The following ARAP2 variants were observed in gnomAD, a reference collection of about 807,000 sequenced individuals.
ARAP2 encodes ArfGAP with RhoGAP domain, ankyrin repeat and PH domain 2, also known as arf-GAP with Rho-GAP domain, ANK repeat and PH domain-containing protein 2.
Under a neutral mutation model 194.5 loss-of-function variants are expected in ARAP2, and 148 were observed. The ratio of observed to expected loss-of-function variants is 0.76; its 90% CI spans 0.67 to 0.87. The LOEUF (loss-of-function observed/expected upper bound fraction) is 0.87. Ranked by LOEUF, ARAP2 falls within the 40% of genes least tolerant of loss-of-function variation. The pLI is 0.00. For missense variants in ARAP2, 2,128 were observed against 1,989.7 expected, an observed-to-expected ratio of 1.07 and a Z score of -1.32; for synonymous variants, 695 against 683.5, an observed-to-expected ratio of 1.02 and a Z score of -0.26.
At chr4:36,106,082 C>T (rs1178698991) in intron 27 of ARAP2, among the ~76,000 whole-genome samples, 3 of 151,960 alleles carry the variant, frequency 2.0e-5, no homozygotes, top group African/African-American at 7.2e-5. Flanking sequence ...AGCCCTGCCT[C>T]CCTACCCAAT....
At chr4:36,125,231 G>C (rs1056283759) in intron 21 of ARAP2, among the ~76,000 whole-genome samples, 1 of 151,874 alleles carries the variant, frequency 6.6e-6, no homozygotes, top group East Asian at 1.9e-4. Flanking sequence ...TAGAAGGTTA[G>C]GTGGGATTAT....
intron 5 of ARAP2, among the ~76,000 whole-genome samples, chr4:36,025,799 G>T (rs181108147): frequency 1.5e-3 from 230 of 152,094 alleles, no homozygotes; most frequent in Non-Finnish European, 2.4e-3. Flanking sequence ...ATCAAAAAAT[G>T]ATCATTATAT....
At chr4:36,130,891 G>C (rs548932195) in intron 20 of ARAP2, among the ~76,000 whole-genome samples, 1 of 151,782 alleles carries the variant, frequency 6.6e-6, no homozygotes, top group Non-Finnish European at 1.5e-5. Flanking sequence ...TCTAATAGCT[G>C]GCACTCAAGT....
At chr4:36,016,476 T>C (rs955408103) in intron 6 of ARAP2, among the ~76,000 whole-genome samples, 5 of 151,392 alleles carry the variant, frequency 3.3e-5, no homozygotes, top group African/African-American at 1.2e-4. Flanking sequence ...TCTGTTATAT[T>C]ATCCTTTATA....
At chr4:36,115,214 T>G (rs1721034582) in intron 25 of ARAP2, among the ~76,000 whole-genome samples, 2 of 152,010 alleles carry the variant, frequency 1.3e-5, no homozygotes, top group African/African-American at 4.8e-5. Flanking sequence ...CCTTTTGTAT[T>G]TTATGAAATT....
In ARAP2 at chr4:36,014,316, A is replaced by AG. The variant is rs1560264881; in HGVS notation, n.1056+1069_1056+1070insC. On this transcript the variant is annotated intron_variant and non_coding_transcript_variant, in intron 8 of 12. Coordinates refer to the ARAP2 transcript ENST00000503225. The stretch of plus-strand genomic sequence containing the variant: ...AAGAAAGAAGAGAAGGAAGGAAAGA[A>AG]AGAAAGAGAGAAAGAAAGAAAGAAA... Among the ~76,000 whole-genome samples, 95 of 106,436 alleles carry AG rather than the reference A, an allele frequency of 8.9e-4. 2 individuals are homozygous for AG. The highest frequency in any genetic ancestry group is 1.2e-3 in the Non-Finnish European group (59 of 50,450). The allele number at this position is 106,436 out of a possible 152,430, so 69.8% of individuals were successfully genotyped here.
At chr4:36,157,743 A>G (rs942392237) in intron 15 of ARAP2, among the ~76,000 whole-genome samples, 63 of 152,322 alleles carry the variant, frequency 4.1e-4, no homozygotes, top group African/African-American at 1.4e-3. Context: ...TATTCTTTTC[A>G]GGAAAATCTA....
intron 3 of ARAP2, among the ~76,000 whole-genome samples, chr4:36,047,468 C>T (rs1722019128): frequency 6.6e-6 from 1 of 152,208 alleles, no homozygotes; most frequent in African/African-American, 2.4e-5. Flanking sequence ...GTCTTTTCAA[C>T]ACAACCATCC....
intron 26 of ARAP2, 82 bp from the exon 27 acceptor site, chr4:36,107,775 T>A: frequency 7.2e-7 from 1 of 1,397,808 alleles, no homozygotes; most frequent in Non-Finnish European, 9.6e-7. Flanking sequence ...TTTTAAAAAA[T>A]CCATTTGAAA....
intron 1 of ARAP2, among the ~76,000 whole-genome samples, chr4:36,242,660 C>T (rs1256395242): frequency 6.6e-6 from 1 of 152,176 alleles, no homozygotes; most frequent in Non-Finnish European, 1.5e-5. Flanking sequence ...ATGAGCCTTA[C>T]ACTGCAAGGA....
chr4:36,130,856 T>A (rs934042386), intron 20 of ARAP2, among the ~76,000 whole-genome samples: 1 of 151,952 alleles, frequency 6.6e-6, no homozygotes, highest in African/African-American at 2.4e-5. Flanking sequence ...GCGTTTGAGA[T>A]AGTATATCCC....
chr4:36,118,161 GT>G (rs1721830501), intron 24 of ARAP2, among the ~76,000 whole-genome samples: 1 of 151,142 alleles, frequency 6.6e-6, no homozygotes, highest in Non-Finnish European at 1.5e-5. Flanking sequence ...CTTATTTCCA[GT>G]TTTTCCTCCT....
chr4:36,187,202 A>T (rs907967805), intron 8 of ARAP2, among the ~76,000 whole-genome samples: 4 of 152,228 alleles, frequency 2.6e-5, no homozygotes, highest in Non-Finnish European at 4.4e-5. Context: ...TTCACATTGT[A>T]TATGCAGAAC....
intron 2 of ARAP2, among the ~76,000 whole-genome samples, chr4:36,227,850 A>C (rs1196239679): frequency 6.6e-6 from 1 of 152,204 alleles, no homozygotes; most frequent in Admixed American, 6.5e-5. Context: ...AAATTCTGAA[A>C]GCTAAAGCTG....
intron 9 of ARAP2, among the ~76,000 whole-genome samples, chr4:36,170,350 G>A (rs1736325369): frequency 6.6e-6 from 1 of 152,218 alleles, no homozygotes; most frequent in East Asian, 1.9e-4. Flanking sequence ...CACTTTGGGA[G>A]GCCAAGGTGA....
rs755836618 is a variant in ARAP2 at position 36,228,784 on chromosome 4, C to T, written c.703G>A (p.Gly235Ser). The T allele has an allele frequency of 6.2e-7, 1 of 1,613,922 alleles. No homozygotes were observed. Among genetic ancestry groups the T allele is most frequent in the African/African-American group, 1.3e-5 (1 of 74,882 alleles). Residue 235 changes from glycine (G) to serine (S), a missense_variant, in exon 2 of 33, where the codon GGT (glycine) becomes AGT (serine). By Grantham distance (56) the Gly-to-Ser change is moderately conservative. Coordinates refer to ENST00000303965, the MANE Select transcript of ARAP2 (RefSeq NM_015230.4). ...SGTNSGNGTN[G>S]LLEGSPPSPF... ...GATGGTGGTGATCCTTCTAATAAAC[C>T]ATTTGTTCCATTTCCAGAATTTGTT...
chr4:36,175,449 C>T (rs999581645), intron 9 of ARAP2, among the ~76,000 whole-genome samples: 3 of 152,052 alleles, frequency 2.0e-5, no homozygotes, highest in Non-Finnish European at 4.4e-5. Context: ...TACCAGGATG[C>T]GAAAATACAT....
rs1560311530 is a variant in ARAP2, at chr4:36,043,832, AGGGGAGGGGAGGGGGGAGGGGAGGG to A, written n.607+2122_607+2146del. ...AGGGAAGGGAAGGGAAGGGAAGGGG[AGGGGAGGGGAGGGGGGAGGGGAGGG>A]GGGAGGGGAAGGGAAGGGAAAAAGG... On this transcript the variant is annotated intron_variant and non_coding_transcript_variant, in intron 5 of 12. Coordinates refer to the ARAP2 transcript ENST00000503225. Among the ~76,000 whole-genome samples the A allele has an allele frequency of 1.2e-3, 66 of 57,258 alleles. 2 individuals are homozygous for A. The highest frequency in any genetic ancestry group is 2.2e-3 in the East Asian group (3 of 1,338). 37.6% of individuals were successfully genotyped at this position (57,258 alleles called of 152,430 possible). A position where few individuals can be genotyped will look rare whatever the true frequency, so the allele number is the denominator to read the frequency against.
At chr4:36,120,101 C>T (rs1393516133) in intron 23 of ARAP2, among the ~76,000 whole-genome samples, 2 of 151,482 alleles carry the variant, frequency 1.3e-5, no homozygotes, top group African/African-American at 2.4e-5. Flanking sequence ...TTTAACATAA[C>T]TATGAAGATA....
Sources: allele counts gnomAD v4.1 joint callset (sites outside exome capture counted in the v4.1 genomes callset), GRCh38; gene constraint gnomAD v4.1.1; transcripts MANE v1.5; gene names NCBI Gene and HGNC (gene_info 2026-07-23, HGNC 2026-07-21).